TMEM40: variants seen among roughly 807,000 people sequenced by gnomAD.
TMEM40 encodes the protein transmembrane protein 40.
TMEM40 carries 34 observed loss-of-function variants against 40.8 expected under a neutral mutation model. The observed-to-expected ratio is 0.83, with a 90% CI of 0.63 to 1.11. The LOEUF is 1.11. TMEM40 is among the 50% of genes least tolerant of loss of function. The probability of loss-of-function intolerance (pLI) is 0.00; values close to 1 mark genes in which losing one functional copy is unlikely to be tolerated. For missense variants in TMEM40, 296 were observed against 280.2 expected, an observed-to-expected ratio of 1.06 and a Z score of -0.40; for synonymous variants, 106 against 107.0, an observed-to-expected ratio of 0.99 and a Z score of 0.06.
At chr3:12,760,844 C>T (rs1190041066), upstream of TMEM40, among the ~76,000 whole-genome samples, 1 of 152,028 alleles carries the variant, frequency 6.6e-6, no homozygotes, top group African/African-American at 2.4e-5. Context: ...TGGGCTCAAG[C>T]CATCCTCTCA....
intron 5 of TMEM40, among the ~76,000 whole-genome samples, chr3:12,740,806 C>T (rs1242849145): frequency 4.0e-5 from 6 of 151,886 alleles, no homozygotes; most frequent in African/African-American, 1.5e-4. Flanking sequence ...TGCAGTGAGC[C>T]GAGATGGTAC....
intron 4 of TMEM40, 137 bp from the exon 5 acceptor site, chr3:12,742,644 G>C: frequency 1.1e-6 from 1 of 939,948 alleles, no homozygotes; most frequent in Non-Finnish European, 1.6e-6. Context: ...TCTTCAGGAG[G>C]CAAGGCAGCA....
intron 8 of TMEM40, 30 bp from the exon 9 acceptor site, chr3:12,736,865 C>T (rs566323129): frequency 6.2e-7 from 1 of 1,613,854 alleles, no homozygotes; most frequent in South Asian, 1.1e-5. Context: ...CAATCACTAT[C>T]TGCTGCTTTC....
upstream of TMEM40, among the ~76,000 whole-genome samples, chr3:12,760,179 C>A (rs776069744): frequency 6.6e-6 from 1 of 152,144 alleles, no homozygotes; most frequent in Non-Finnish European, 1.5e-5. Flanking sequence ...CTTGATCCAG[C>A]CAGTGTCAAC....
In TMEM40 at chr3:12,734,372, C is replaced by T. The variant is rs984657318; in HGVS notation, c.*402G>A. On this transcript the variant is annotated 3_prime_UTR_variant, in exon 12 of 12. Transcript: ENST00000314124. Reference sequence around the variant, plus strand: ...GGACCATCCATCTCTCCCAGGATGGCTCGGTAGCACCTGAGAGCGCATGCA... The same window carrying T: ...GGACCATCCATCTCTCCCAGGATGGTTCGGTAGCACCTGAGAGCGCATGCA... 3 of 180,022 alleles carry T rather than the reference C, an allele frequency of 1.7e-5. No individual in the cohort carries two copies. The highest frequency in any genetic ancestry group is 3.5e-5 in the Non-Finnish European group (3 of 86,222). 11.2% of individuals were successfully genotyped at this position (180,022 alleles called of 1,614,324 possible). A position where few individuals can be genotyped will look rare whatever the true frequency, so the allele number is the denominator to read the frequency against.
At chr3:12,746,037 A>T (rs1274120675) in intron 3 of TMEM40, among the ~76,000 whole-genome samples, 1 of 151,742 alleles carries the variant, frequency 6.6e-6, no homozygotes, top group Non-Finnish European at 1.5e-5. Context: ...AGCTGGGATT[A>T]CAGGTGCCCA....
At chr3:12,735,505 G>C in intron 11 of TMEM40, 50 bp downstream of exon 11, 1 of 1,566,164 alleles carries the variant, frequency 6.4e-7, no homozygotes. Context: ...TCTAAATGAA[G>C]ACCCTGCTAG....
rs141951907 is a variant in TMEM40, at chr3:12,765,026, C to T, written c.-9+4225G>A. On this transcript the variant is annotated intron_variant, in intron 1 of 11. Coordinates refer to the TMEM40 transcript ENST00000264728. ...AGCTGGGATTACAGGCACCTGCCAC[C>T]ATGCCTGGCTAATTTTTGTATTTTT... Among the ~76,000 whole-genome samples the T allele has an allele frequency of 9.5e-3, 1,440 of 152,180 alleles. 29 individuals are homozygous for T. Among genetic ancestry groups the T allele is most frequent in the African/African-American group, 0.031 (1,267 of 41,506 alleles).
At chr3:12,751,126 C>A (rs1347654247) in intron 1 of TMEM40, among the ~76,000 whole-genome samples, 2 of 151,610 alleles carry the variant, frequency 1.3e-5, no homozygotes, top group African/African-American at 4.9e-5. Context: ...TAGTGCTTAC[C>A]TTATAGTATG....
intron 3 of TMEM40, among the ~76,000 whole-genome samples, chr3:12,747,859 C>T (rs961861799): frequency 7.8e-6 from 1 of 128,368 alleles, no homozygotes; most frequent in African/African-American, 3.1e-5. Flanking sequence ...TGCAGTGAGC[C>T]AAGATCACGC....
intron 4 of TMEM40, among the ~76,000 whole-genome samples, chr3:12,743,205 C>T (rs2061396840): frequency 6.6e-6 from 1 of 152,208 alleles, no homozygotes; most frequent in Admixed American, 6.5e-5. Flanking sequence ...CGGTGGCTCA[C>T]CTCTGTAATC....
intron 5 of TMEM40, among the ~76,000 whole-genome samples, chr3:12,740,517 C>G (rs113920544): frequency 0.013 from 1,773 of 136,022 alleles, 39 homozygotes; most frequent in African/African-American, 0.048. Flanking sequence ...CTGGCTAACA[C>G]GGTGAAACCC....
intron 10 of TMEM40, 112 bp downstream of exon 10, chr3:12,736,466 A>G: frequency 7.3e-7 from 1 of 1,372,002 alleles, no homozygotes; most frequent in Non-Finnish European, 9.9e-7. Flanking sequence ...TTTTTTTAAA[A>G]GTGTAGATTG....
At chr3:12,765,254 T>A (rs565848733) in intron 1 of TMEM40, among the ~76,000 whole-genome samples, 1 of 152,184 alleles carries the variant, frequency 6.6e-6, no homozygotes, top group Non-Finnish European at 1.5e-5. Flanking sequence ...TACTCAACAA[T>A]CTTATTGTTT....
At chr3:12,742,628 G>A in intron 4 of TMEM40, 121 bp from the exon 5 acceptor site, 1 of 1,200,538 alleles carries the variant, frequency 8.3e-7, no homozygotes, top group Non-Finnish European at 1.2e-6. Flanking sequence ...GTGAGGTGGG[G>A]GGCAGTCTTC....
chr3:12,734,673 C>A lies in TMEM40; in HGVS notation c.*101G>T. On this transcript the variant is annotated 3_prime_UTR_variant, in exon 12 of 12. Transcript: ENST00000314124. ...GTTCTGTTTATTGGTCTGGCTTGGTCTCCTGTGCGTCTCTCAGAATGCTGC... is the reference window on the plus strand; with the variant it reads ...GTTCTGTTTATTGGTCTGGCTTGGTATCCTGTGCGTCTCTCAGAATGCTGC... The A allele has an allele frequency of 7.3e-7, 1 of 1,376,272 alleles. No homozygotes were observed. The highest frequency in any genetic ancestry group is 1.2e-5 in the South Asian group (1 of 80,516). The allele number at this position is 1,376,272 out of a possible 1,614,324, so 85.3% of individuals were successfully genotyped here. A position where few individuals can be genotyped will look rare whatever the true frequency, so the allele number is the denominator to read the frequency against.
intron 1 of TMEM40, among the ~76,000 whole-genome samples, chr3:12,754,230 T>C (rs1211948944): frequency 6.6e-6 from 1 of 152,112 alleles, no homozygotes; most frequent in African/African-American, 2.4e-5. Context: ...GAGAATGGCG[T>C]GAACCCGGGA....
At chr3:12,758,479 C>T (rs1024253069) in intron 1 of TMEM40, among the ~76,000 whole-genome samples, 1 of 152,160 alleles carries the variant, frequency 6.6e-6, no homozygotes, top group African/African-American at 2.4e-5. Context: ...ACAAGGATGA[C>T]AGCCTACGGG....
intron 2 of TMEM40, among the ~76,000 whole-genome samples, chr3:12,749,311 G>A (rs562212377): frequency 9.1e-4 from 138 of 152,176 alleles, no homozygotes; most frequent in Admixed American, 2.6e-3. Flanking sequence ...GGCGTGAGCC[G>A]CCGCGCCCGG....
Sources: gnomAD v4.1 joint callset for allele counts (sites outside exome capture counted in the v4.1 genomes callset) on GRCh38, gnomAD v4.1.1 for gene constraint, MANE v1.5 for transcripts, NCBI Gene and HGNC (gene_info 2026-07-23, HGNC 2026-07-21) for gene names.